The following LIN52 variants were observed in gnomAD, a reference collection of about 807,000 sequenced individuals.
LIN52 encodes lin-52 DREAM MuvB core complex component.
LIN52 carries 4 observed loss-of-function variants against 18.5 expected under a neutral mutation model. The ratio of observed to expected loss-of-function variants is 0.22; its 90% CI spans 0.11 to 0.49. The LOEUF is 0.49. Among genes scored for constraint, LIN52 ranks in the 20% least tolerant of loss-of-function variants. The pLI is 0.97. For missense variants in LIN52, 102 were observed against 139.5 expected, an observed-to-expected ratio of 0.73 and a Z score of 1.35; for synonymous variants, 34 against 45.5, an observed-to-expected ratio of 0.75 and a Z score of 1.02.
intron 3 of LIN52, among the ~76,000 whole-genome samples, chr14:74,097,425 CTTTTTTTTT>C (rs35249058): frequency 7.5e-6 from 1 of 133,578 alleles, no homozygotes; most frequent in Non-Finnish European, 1.6e-5. Flanking sequence ...TTTTCTTTTT[CTTTTTTTTT>C]TTTTTTTTTG....
intron 5 of LIN52, among the ~76,000 whole-genome samples, chr14:74,167,112 CTTT>C (rs9323596): frequency 8.4e-6 from 1 of 119,122 alleles, no homozygotes; most frequent in Non-Finnish European, 1.7e-5. Context: ...GCCTCTGCTG[CTTT>C]TTTTTTTTTT....
intron 5 of LIN52, among the ~76,000 whole-genome samples, chr14:74,188,162 C>T (rs2061348449): frequency 6.6e-6 from 1 of 152,108 alleles, no homozygotes; most frequent in South Asian, 2.1e-4. Context: ...GAACTAGCTG[C>T]AGTTAAAACC....
At chr14:74,119,867 C>T (rs1239539907) in intron 5 of LIN52, among the ~76,000 whole-genome samples, 3 of 147,742 alleles carry the variant, frequency 2.0e-5, no homozygotes, top group East Asian at 4.0e-4. Context: ...TGGAGTTTCA[C>T]TCTTGTCGCC....
intron 5 of LIN52, among the ~76,000 whole-genome samples, chr14:74,144,444 C>T (rs1338948889): frequency 6.6e-6 from 1 of 152,042 alleles, no homozygotes; most frequent in Non-Finnish European, 1.5e-5. Flanking sequence ...ATTTTTAAAC[C>T]ATCACATTAT....
At chr14:74,101,396 T>C (rs1406916391) in intron 5 of LIN52, among the ~76,000 whole-genome samples, 158 bp downstream of exon 5, 1 of 152,174 alleles carries the variant, frequency 6.6e-6, no homozygotes, top group Admixed American at 6.5e-5. Flanking sequence ...ATCTAATTCA[T>C]TGACTTTTTA....
intron 5 of LIN52, among the ~76,000 whole-genome samples, chr14:74,161,888 G>A (rs1315537000): frequency 6.6e-6 from 1 of 152,166 alleles, no homozygotes; most frequent in Non-Finnish European, 1.5e-5. Context: ...TCCTGCCTCA[G>A]CTTTGCAGCC....
chr14:74,111,974 T>C (rs62005144), intron 5 of LIN52, among the ~76,000 whole-genome samples: 34,233 of 151,194 alleles, frequency 0.23, 4,189 homozygotes, highest in South Asian at 0.46. Flanking sequence ...TCCGCCTCCG[T>C]GGTTCAAGCT....
chr14:74,085,608 A>G (rs1345585587), intron 1 of LIN52: 1 of 152,216 alleles, frequency 6.6e-6, no homozygotes, highest in South Asian at 2.1e-4. Flanking sequence ...ACAGGTCGCA[A>G]CCTGTCTTCC....
At chr14:74,152,959 C>CA (rs1189515836) in intron 5 of LIN52, among the ~76,000 whole-genome samples, 2,251 of 40,232 alleles carry the variant, frequency 0.056, 100 homozygotes, top group African/African-American at 0.085. Flanking sequence ...GACTCTGTCT[C>CA]AAAAAAAAAA....
chr14:74,113,162 T>C (rs745695410), intron 5 of LIN52, among the ~76,000 whole-genome samples: 9 of 152,032 alleles, frequency 5.9e-5, no homozygotes, highest in Non-Finnish European at 1.3e-4. Flanking sequence ...GAAGGCTGAG[T>C]TGGGTGATCA....
chr14:74,091,106 A>G, intron 1 of LIN52, 126 bp from the exon 2 acceptor site: 2 of 578,768 alleles, frequency 3.5e-6, no homozygotes, highest in Non-Finnish European at 6.2e-6. Context: ...AGTGGCATCA[A>G]TAGTTACAGA....
chr14:74,193,789 C>T (rs2078894992), intron 5 of LIN52, among the ~76,000 whole-genome samples: 2 of 152,176 alleles, frequency 1.3e-5, no homozygotes, highest in South Asian at 4.1e-4. Context: ...AAGTCCTGCT[C>T]TTTTCACAAT....
chr14:74,162,290 A>G (rs953926795), intron 5 of LIN52, among the ~76,000 whole-genome samples: 2 of 151,970 alleles, frequency 1.3e-5, no homozygotes, highest in African/African-American at 2.4e-5. Flanking sequence ...AGCGTGGCCA[A>G]TATGGTGAAA....
intron 5 of LIN52, among the ~76,000 whole-genome samples, chr14:74,105,818 C>G (rs544120261): frequency 6.6e-6 from 1 of 152,226 alleles, no homozygotes; most frequent in Admixed American, 6.5e-5. Context: ...AATATTTGTC[C>G]TCAAAACATG....
intron 5 of LIN52, among the ~76,000 whole-genome samples, chr14:74,185,442 T>G (rs1449537438): frequency 1.4e-5 from 2 of 147,820 alleles, no homozygotes; most frequent in Admixed American, 1.4e-4. Context: ...AGCCTCCCGG[T>G]TAGCTGGGAC....
intron 5 of LIN52, chr14:74,174,801 G>A (rs970814893): frequency 7.9e-6 from 1 of 126,850 alleles, no homozygotes; most frequent in Non-Finnish European, 1.7e-5. Flanking sequence ...AAAAAAAAAT[G>A]GTACACCTAG....
chr14:74,116,765 G>T (rs768383068), intron 5 of LIN52, among the ~76,000 whole-genome samples: 1 of 148,958 alleles, frequency 6.7e-6, no homozygotes, highest in Non-Finnish European at 1.5e-5. Context: ...TGACAGAAAG[G>T]TATTCATTAT....
intron 5 of LIN52, among the ~76,000 whole-genome samples, chr14:74,143,332 T>G (rs1360120889): frequency 1.3e-5 from 2 of 152,170 alleles, no homozygotes; most frequent in Non-Finnish European, 2.9e-5. Context: ...GGAGGATCAC[T>G]TGACCCCAGA....
intron 5 of LIN52, chr14:74,192,801 C>A: frequency 5.1e-6 from 1 of 196,186 alleles, no homozygotes. Context: ...TGATATGTTC[C>A]AGCAGCAGAC....
Sources: allele counts gnomAD v4.1 joint callset (sites outside exome capture counted in the v4.1 genomes callset), GRCh38; gene constraint gnomAD v4.1.1; transcripts MANE v1.5; gene names NCBI Gene and HGNC (gene_info 2026-07-23, HGNC 2026-07-21).